WDR86: variants seen among roughly 807,000 people sequenced by gnomAD.
WDR86 encodes WD repeat domain 86.
A neutral mutation model predicts 36.5 loss-of-function variants in WDR86; 30 were observed. That is an observed-to-expected ratio of 0.82 (90% CI 0.61 to 1.11). WDR86 has a LOEUF of 1.11. WDR86 is among the 50% of genes most tolerant of loss of function. The pLI, the probability that WDR86 is intolerant of heterozygous loss-of-function variation, is 0.00. For synonymous variants in WDR86, 255 were observed against 252.9 expected (o/e 1.01, Z -0.08); for missense variants, 545 against 561.2 (o/e 0.97, Z 0.29).
At position 151,395,494 on chromosome 7, in the gene WDR86, G is replaced by GACACACACACACAC. The variant is rs57122668; in HGVS notation, c.726+268_726+281dup. Among the ~76,000 whole-genome samples the GACACACACACACAC allele has an allele frequency of 2.0e-3, 297 of 147,110 alleles. 3 individuals carry two copies. The highest frequency in any genetic ancestry group is 2.0e-3 in the Non-Finnish European group (136 of 66,750). ...TGGTGTCCTTCTAAGAAGAGATTAG[G>GACACACACACACAC]ACACACACACACACACACACACACA... On this transcript the variant is annotated intron_variant, in intron 3 of 5. Transcript: ENST00000334493.
downstream of WDR86, chr7:151,374,270 C>T: frequency 6.4e-7 from 1 of 1,550,492 alleles, no homozygotes; most frequent in South Asian, 1.2e-5. Flanking sequence ...GGCCTCTGGC[C>T]TTGTCCCTGA....
At position 151,409,079 on chromosome 7, in the gene WDR86, G is replaced by A. The variant is rs1434892075; in HGVS notation, c.163+348C>T. The A allele has an allele frequency of 5.4e-6, 3 of 558,956 alleles. No homozygotes were observed. In the African/African-American group the frequency reaches 5.6e-5, roughly 10 times the overall value. 34.6% of individuals were successfully genotyped at this position (558,956 alleles called of 1,614,324 possible). A position where few individuals can be genotyped will look rare whatever the true frequency, so the allele number is the denominator to read the frequency against. ...CTAGAGACAAGGGAAGGTTTGCTTA[G>A]AAGGAGTATAGGTGCAACTTTTTGT... On this transcript the variant is annotated intron_variant, in intron 1 of 5. Transcript: ENST00000334493. This position sits in a 1 kb window ranked among gnomAD's most constrained non-coding sequence, Gnocchi z 5.2.
At chr7:151,407,524 C>T (rs930037098) in intron 1 of WDR86, among the ~76,000 whole-genome samples, 2 of 152,182 alleles carry the variant, frequency 1.3e-5, no homozygotes, top group Non-Finnish European at 2.9e-5. Flanking sequence ...TGCATAAGAC[C>T]CACCCAAAAG....
chr7:151,395,207 T>G (rs1380863418), intron 3 of WDR86, among the ~76,000 whole-genome samples: 1 of 152,138 alleles, frequency 6.6e-6, no homozygotes. Flanking sequence ...CTGCCGGCGT[T>G]CACCCTGACA....
chr7:151,410,460 G>T, upstream of WDR86: 1 of 152,570 alleles, frequency 6.6e-6, no homozygotes, highest in East Asian at 1.9e-4. Context: ...AATGGAGGGT[G>T]CGACAGGGAA....
At position 151,409,475 on chromosome 7, in the gene WDR86, C is replaced by A; in HGVS notation, c.115G>T (p.Ala39Ser). The A allele has an allele frequency of 6.5e-7, 1 of 1,537,236 alleles. No individual in the cohort carries two copies. Reference protein sequence around the residue: ...RLLTGSEDGTARLWSTADGQC... With the variant: ...RLLTGSEDGTSRLWSTADGQC... Reference sequence around the variant, plus strand: ...CCGTCCGCGGTGCTCCAGAGCCGGGCCGTGCCGTCCTCGCTGCCCGTCAGC... The same window carrying A: ...CCGTCCGCGGTGCTCCAGAGCCGGGACGTGCCGTCCTCGCTGCCCGTCAGC... The change falls in exon 1 of 6, where the codon GCC (alanine) becomes TCC (serine). Residue 39 changes from alanine to serine, a missense_variant. By Grantham distance (99) the Ala-to-Ser change is moderately conservative (BLOSUM62 1). Coordinates refer to ENST00000334493, the MANE Select transcript of WDR86 (RefSeq NM_198285.3). This position sits in a 1 kb window ranked among gnomAD's most constrained non-coding sequence, Gnocchi z 5.2.
chr7:151,372,818 A>G (rs1798023255), downstream of WDR86, among the ~76,000 whole-genome samples: 1 of 152,066 alleles, frequency 6.6e-6, no homozygotes, highest in Non-Finnish European at 1.5e-5. Flanking sequence ...CTGGCCACTG[A>G]GAGGTAGAGC....
chr7:151,406,268 C>T lies in WDR86; in HGVS notation c.163+3159G>A, dbSNP rs184511584. 5.9e-5 allele frequency among the ~76,000 whole-genome samples: 9 copies of T among 152,292 alleles called. No homozygotes were observed. Among genetic ancestry groups the T allele is most frequent in the African/African-American group, 1.2e-4 (5 of 41,558 alleles). On this transcript the variant is annotated intron_variant, in intron 1 of 5. Transcript: ENST00000334493. The surrounding 1 kb of genome is among the most constrained non-coding windows in gnomAD (Gnocchi z 4.4). ...CACCAACCCCGCACGCCACAGGGAA[C>T]GGCCTTCACTCTTCCTCTCCCTCTC...
In WDR86 at chr7:151,392,817, G is replaced by T. The variant is rs73474451; in HGVS notation, c.726+2959C>A. Among the ~76,000 whole-genome samples, 733 of 152,264 alleles carry T rather than the reference G, an allele frequency of 4.8e-3. 8 individuals carry two copies. The highest frequency in any genetic ancestry group is 0.017 in the African/African-American group (710 of 41,560). On this transcript the variant is annotated intron_variant, in intron 3 of 5. Transcript: ENST00000334493. ...TTACGAGACCTAGTGGTCCTGAGAG[G>T]CTCACCTCCACCTCCCAGAACCTTC...
At chr7:151,374,210 C>T (rs375032507), downstream of WDR86, 91 of 1,563,758 alleles carry the variant, frequency 5.8e-5, no homozygotes, top group Admixed American at 1.2e-3. Flanking sequence ...AGGTACTCCA[C>T]GCAGCCAGCG....
chr7:151,398,827 G>A (rs933404162), intron 2 of WDR86, among the ~76,000 whole-genome samples: 1 of 152,166 alleles, frequency 6.6e-6, no homozygotes, highest in Non-Finnish European at 1.5e-5. Flanking sequence ...TTGTGGGTTT[G>A]GCAGCTGAGG....
chr7:151,397,410 T>A (rs1007319547), intron 2 of WDR86, among the ~76,000 whole-genome samples: 1 of 152,356 alleles, frequency 6.6e-6, no homozygotes, highest in South Asian at 2.1e-4. Context: ...ATAGGATGAT[T>A]GTCACAAAAC....
chr7:151,381,558 G>A lies in WDR86; in HGVS notation c.*24C>T, dbSNP rs1798565484. On this transcript the variant is annotated 3_prime_UTR_variant, in exon 6 of 6. Coordinates refer to ENST00000334493, the MANE Select transcript of WDR86 (RefSeq NM_198285.3). The surrounding 1 kb of genome is among the most constrained non-coding windows in gnomAD (Gnocchi z 4.8). ...CTGGGAGCCGCTGGGTGTCTGGGCT[G>A]GCGTCTGCAGGGGCCCCGCGGGATC... The A allele has an allele frequency of 7.2e-7, 1 of 1,381,094 alleles. No homozygotes were observed. Among genetic ancestry groups the A allele is most frequent in the African/African-American group, 1.5e-5 (1 of 65,252 alleles). The allele number at this position is 1,381,094 out of a possible 1,614,324, so 85.6% of individuals were successfully genotyped here. A position where few individuals can be genotyped will look rare whatever the true frequency, so the allele number is the denominator to read the frequency against.
intron 1 of WDR86, among the ~76,000 whole-genome samples, chr7:151,407,432 C>T (rs1369314286): frequency 6.6e-6 from 1 of 152,232 alleles, no homozygotes; most frequent in African/African-American, 2.4e-5. Context: ...TGGGGCCTCA[C>T]TGGGGAGAAA....
chr7:151,398,246 TGTG>T (rs1800014239), intron 2 of WDR86, among the ~76,000 whole-genome samples: 1 of 151,876 alleles, frequency 6.6e-6, no homozygotes, highest in African/African-American at 2.4e-5. Context: ...ATGTGTGTGT[TGTG>T]TGTGCATATG....
intron 4 of WDR86, among the ~76,000 whole-genome samples, chr7:151,382,263 G>A (rs1405115837): frequency 2.0e-5 from 3 of 152,204 alleles, no homozygotes; most frequent in African/African-American, 4.8e-5. Flanking sequence ...GTTGGTTTCC[G>A]TGCCTGCTTG....
At chr7:151,376,393 C>G, downstream of WDR86, 1 of 528,950 alleles carries the variant, frequency 1.9e-6, no homozygotes, top group Non-Finnish European at 3.4e-6. Context: ...CTGCTCTCAG[C>G]CCGAGGTCAC....
In WDR86 at chr7:151,396,019, C is replaced by T. The variant is rs373378295; in HGVS notation, c.483G>A (p.Ala161=). 4.4e-5 allele frequency: 70 copies of T among 1,604,906 alleles called. No homozygotes were observed. The highest frequency in any genetic ancestry group is 3.0e-4 in the Admixed American group (18 of 59,396). Residue 161 remains alanine, a synonymous_variant, in exon 3 of 6, where the codon GCG becomes GCA. Coordinates refer to ENST00000334493, the MANE Select transcript of WDR86 (RefSeq NM_198285.3). ...LPSTPCAEEA[A]AGGLLVTGST... is the part of the protein sequence containing the mutation. ...TGCCGGTCACCAGAAGCCCCCCGGC[C>T]GCGGCCTCCTCCGCGCAGGGAGTGC...
rs755845220 is a variant in WDR86, at chr7:151,393,148, C to T, written c.726+2628G>A. Among the ~76,000 whole-genome samples, 9 of 152,232 alleles carry T rather than the reference C, an allele frequency of 5.9e-5. No individual in the cohort carries two copies. In the East Asian group the frequency reaches 9.6e-4, roughly 16 times the overall value. On this transcript the variant is annotated intron_variant, in intron 3 of 5. Transcript: ENST00000334493. ...TCATACCCATCAACATGTGTGTCTG[C>T]GTGGTATGTTTGTGGGCATGCATGT...
Sources: allele counts gnomAD v4.1 joint callset (sites outside exome capture counted in the v4.1 genomes callset), GRCh38; gene constraint gnomAD v4.1.1; non-coding constraint Gnocchi (gnomAD v3.1); transcripts MANE v1.5; gene names NCBI Gene and HGNC (gene_info 2026-07-23, HGNC 2026-07-21).